ROBO1: variants seen among roughly 807,000 people sequenced by gnomAD.
ROBO1 encodes the protein roundabout homolog 1.
A neutral mutation model predicts 195.9 loss-of-function variants in ROBO1; 149 were observed. That is an observed-to-expected ratio of 0.76 (90% confidence interval 0.67 to 0.87). ROBO1 has a LOEUF of 0.87. Ranked by LOEUF, ROBO1 falls within the 40% of genes least tolerant of loss-of-function variation. The probability of loss-of-function intolerance (pLI) is 0.00; values close to 1 mark genes in which losing one functional copy is unlikely to be tolerated. For synonymous variants in ROBO1, 816 were observed against 733.2 expected (o/e 1.11, Z -1.82); for missense variants, 1,933 against 2,068.3 (o/e 0.93, Z 1.27).
intron 24 of ROBO1, among the ~76,000 whole-genome samples, chr3:78,631,995 G>T (rs762951182): frequency 6.6e-6 from 1 of 152,112 alleles, no homozygotes; most frequent in Admixed American, 6.6e-5. Context: ...TCTCATTTTA[G>T]ATCTGGCATA....
At chr3:78,953,333 A>G (rs1472525611) in intron 3 of ROBO1, among the ~76,000 whole-genome samples, 1 of 151,670 alleles carries the variant, frequency 6.6e-6, no homozygotes, top group African/African-American at 2.4e-5. Context: ...GTAACATGCA[A>G]ACTGAAGAAT....
At chr3:79,053,239 C>A (rs12491368) in intron 3 of ROBO1, among the ~76,000 whole-genome samples, 10,976 of 151,950 alleles carry the variant, frequency 0.072, 556 homozygotes, top group Admixed American at 0.13. Flanking sequence ...CTTCCTCAAC[C>A]TTCCTCTCCC....
chr3:79,030,938 T>A (rs1313593805), intron 3 of ROBO1, among the ~76,000 whole-genome samples: 1 of 152,172 alleles, frequency 6.6e-6, no homozygotes, highest in Non-Finnish European at 1.5e-5. Flanking sequence ...GCCAGGCTAG[T>A]CTTGAACTCC....
intron 1 of ROBO1, among the ~76,000 whole-genome samples, chr3:79,697,928 A>G (rs948206167): frequency 6.6e-6 from 1 of 151,526 alleles, no homozygotes; most frequent in African/African-American, 2.4e-5. Context: ...TAAATGAAAA[A>G]TCACTATCTT....
At chr3:79,711,941 A>T (rs1290743777) in intron 1 of ROBO1, among the ~76,000 whole-genome samples, 1 of 151,702 alleles carries the variant, frequency 6.6e-6, no homozygotes, top group Non-Finnish European at 1.5e-5. Flanking sequence ...GTGGGGGAGC[A>T]CTATGAACTT....
At chr3:79,717,608 G>A (rs1382664050) in intron 1 of ROBO1, among the ~76,000 whole-genome samples, 1 of 152,028 alleles carries the variant, frequency 6.6e-6, no homozygotes, top group East Asian at 1.9e-4. Flanking sequence ...ACATCTTTTT[G>A]TACTTAATTC....
chr3:78,717,129 G>T, intron 7 of ROBO1, 146 bp downstream of exon 7: 1 of 797,102 alleles, frequency 1.3e-6, no homozygotes, highest in Non-Finnish European at 1.9e-6. Context: ...GCAACCTCCT[G>T]CTTCTAATTA....
chr3:78,842,941 G>A (rs1447657440), intron 4 of ROBO1, among the ~76,000 whole-genome samples: 2 of 152,060 alleles, frequency 1.3e-5, no homozygotes, highest in African/African-American at 4.8e-5. Flanking sequence ...TGCTACATTA[G>A]AGGGATTGGA....
chr3:79,707,371 C>A (rs927414076), intron 1 of ROBO1, among the ~76,000 whole-genome samples: 19 of 152,066 alleles, frequency 1.2e-4, no homozygotes, highest in African/African-American at 4.6e-4. Flanking sequence ...ACACTATTAA[C>A]CCTTGCCCAT....
rs545661112 is a variant in ROBO1 at position 79,660,062 on chromosome 3, CGT to C, written c.-50-70103_-50-70102del. Among the ~76,000 whole-genome samples the C allele has an allele frequency of 6.3e-3, 954 of 151,958 alleles. 7 individuals carry two copies. The highest frequency in any genetic ancestry group is 9.9e-3 in the Non-Finnish European group (674 of 67,960). On this transcript the variant is annotated intron_variant, in intron 1 of 30. Coordinates refer to ENST00000464233, the MANE Select transcript of ROBO1 (RefSeq NM_002941.4). ...GAGAATTAATCTGATGTGGGTTTGC[CGT>C]TTTTCCTCACTAGGCCTCAGCTAGG...
intron 1 of ROBO1, among the ~76,000 whole-genome samples, chr3:79,747,030 T>G (rs1304384665): frequency 6.6e-6 from 1 of 152,094 alleles, no homozygotes; most frequent in Admixed American, 6.6e-5. Flanking sequence ...TTATTTTTGG[T>G]ATGTAAAGGA....
chr3:79,620,862 C>T (rs34322948), intron 1 of ROBO1, among the ~76,000 whole-genome samples: 45,200 of 151,796 alleles, frequency 0.3, 8,398 homozygotes, highest in African/African-American at 0.53. Flanking sequence ...TACAACATGG[C>T]CTCTTAAAGC....
intron 3 of ROBO1, among the ~76,000 whole-genome samples, chr3:79,105,912 G>GT (rs1048200107): frequency 2.0e-5 from 3 of 151,656 alleles, no homozygotes; most frequent in African/African-American, 4.8e-5. Context: ...GATTGTCTTT[G>GT]TAAGTTGCCG....
At chr3:78,804,831 G>A (rs1180727941) in intron 4 of ROBO1, among the ~76,000 whole-genome samples, 1 of 151,488 alleles carries the variant, frequency 6.6e-6, no homozygotes, top group African/African-American at 2.4e-5. Flanking sequence ...TTGGCTTGCA[G>A]CACAACTGCT....
chr3:79,046,996 T>C (rs1308344506), intron 3 of ROBO1, among the ~76,000 whole-genome samples: 3 of 152,092 alleles, frequency 2.0e-5, no homozygotes, highest in Non-Finnish European at 4.4e-5. Context: ...GAGGCCCCCA[T>C]GACAAGTACT....
intron 2 of ROBO1, among the ~76,000 whole-genome samples, chr3:79,483,329 G>T (rs1938968773): frequency 6.6e-6 from 1 of 152,178 alleles, no homozygotes; most frequent in Non-Finnish European, 1.5e-5. Context: ...TACTAATTGT[G>T]GTCCCATTGA....
At chr3:79,759,303 T>C (rs1469515482) in intron 1 of ROBO1, among the ~76,000 whole-genome samples, 1 of 152,192 alleles carries the variant, frequency 6.6e-6, no homozygotes, top group Non-Finnish European at 1.5e-5. Context: ...GTGCTTGGAT[T>C]AATATTTTTG....
At chr3:79,713,947 G>A (rs1560124062) in intron 1 of ROBO1, among the ~76,000 whole-genome samples, 1 of 152,002 alleles carries the variant, frequency 6.6e-6, no homozygotes. Context: ...TGTTCCATTG[G>A]TCTATATCTC....
chr3:79,144,515 CCTT>C (rs1559691618), intron 2 of ROBO1, among the ~76,000 whole-genome samples: 1 of 151,562 alleles, frequency 6.6e-6, no homozygotes, highest in Non-Finnish European at 1.5e-5. Flanking sequence ...TTTTTTAAAT[CCTT>C]CTTTTCTTTA....
Sources: allele counts gnomAD v4.1 joint callset (sites outside exome capture counted in the v4.1 genomes callset), GRCh38; gene constraint gnomAD v4.1.1; transcripts MANE v1.5; gene names NCBI Gene and HGNC (gene_info 2026-07-23, HGNC 2026-07-21).